The following ALDH18A1 variants were observed in gnomAD, a reference collection of about 807,000 sequenced individuals.
The protein encoded by ALDH18A1 is delta-1-pyrroline-5-carboxylate synthase.
In ALDH18A1, 44 loss-of-function variants were observed where a neutral mutation model predicts 88.8. The ratio of observed to expected loss-of-function variants is 0.50; its 90% CI spans 0.39 to 0.64. The LOEUF is 0.64. Among genes scored for constraint, ALDH18A1 ranks in the 30% least tolerant of loss-of-function variants. ALDH18A1 has a pLI of 0.00. For synonymous variants in ALDH18A1, 331 were observed against 372.1 expected (o/e 0.89, Z 1.27); for missense variants, 782 against 1,009.5 (o/e 0.77, Z 3.05).
chr10:95,606,694 C>G lies in ALDH18A1; in HGVS notation c.*68G>C, dbSNP rs2097823332. On this transcript the variant is annotated 3_prime_UTR_variant, in exon 18 of 18. Transcript: ENST00000371224. ...AGGAACTGGGAGACAAGAGCGGGCT[C>G]TCTCCTGAGATAAGACAAGTTTAAC... 1.9e-6 allele frequency: 3 copies of G among 1,612,942 alleles called. No homozygotes were observed. The highest frequency in any genetic ancestry group is 2.2e-5 in the South Asian group (2 of 90,774).
Position 95,649,785 on chromosome 10 carries a change from G to A in ALDH18A1, c.88+3505C>T, listed in dbSNP as rs150725130. On this transcript the variant is annotated intron_variant, in intron 2 of 17. Transcript: ENST00000371224. The stretch of plus-strand genomic sequence containing the variant: ...AGTCCCAGCTACTTGGGAGGCTGAG[G>A]CAGGAGAATCGCTTGAGCCTGGGAC... Among the ~76,000 whole-genome samples, 815 of 152,110 alleles carry A rather than the reference G, an allele frequency of 5.4e-3. 3 individuals are homozygous for A. Among genetic ancestry groups the A allele is most frequent in the Non-Finnish European group, 9.7e-3 (662 of 67,984 alleles).
At chr10:95,622,290 G>A (rs529197328) in intron 11 of ALDH18A1, among the ~76,000 whole-genome samples, 4 of 152,020 alleles carry the variant, frequency 2.6e-5, no homozygotes, top group South Asian at 4.2e-4. Flanking sequence ...CTTGAACTCC[G>A]GGGCTCAAGT....
intron 8 of ALDH18A1, 47 bp downstream of exon 8, chr10:95,628,321 T>C: frequency 6.2e-6 from 10 of 1,613,258 alleles, no homozygotes; most frequent in Non-Finnish European, 8.5e-6. Flanking sequence ...TACAATATAG[T>C]TTGGGCTTTA....
chr10:95,632,010 A>G (rs2097870974), intron 7 of ALDH18A1, among the ~76,000 whole-genome samples: 1 of 152,234 alleles, frequency 6.6e-6, no homozygotes, highest in African/African-American at 2.4e-5. Context: ...TAAATAAAAC[A>G]TGGTACATCC....
chr10:95,617,329 G>C (rs1428407958), intron 12 of ALDH18A1, among the ~76,000 whole-genome samples: 2 of 152,258 alleles, frequency 1.3e-5, no homozygotes, highest in Non-Finnish European at 2.9e-5. Flanking sequence ...AGGGTCTTCA[G>C]CCACCTCTGT....
At chr10:95,619,358 A>G (rs1038661815) in intron 12 of ALDH18A1, among the ~76,000 whole-genome samples, 10 of 152,194 alleles carry the variant, frequency 6.6e-5, no homozygotes, top group African/African-American at 2.2e-4. Flanking sequence ...AAATGGCCAT[A>G]CTGCCCAAGG....
chr10:95,641,299 C>A (rs945045086), intron 3 of ALDH18A1, among the ~76,000 whole-genome samples: 2 of 152,130 alleles, frequency 1.3e-5, no homozygotes, highest in African/African-American at 2.4e-5. Context: ...ATATTTACTG[C>A]CCTGAACAGT....
intron 10 of ALDH18A1, 61 bp from the exon 11 acceptor site, chr10:95,625,516 C>T: frequency 1.4e-6 from 2 of 1,427,232 alleles, no homozygotes; most frequent in Admixed American, 3.3e-5. Context: ...ATGCACACCA[C>T]AGTTTTTAAA....
chr10:95,616,779 T>C, intron 12 of ALDH18A1, 165 bp from the exon 13 acceptor site: 1 of 941,308 alleles, frequency 1.1e-6, no homozygotes, highest in Non-Finnish European at 1.6e-6. Flanking sequence ...AGTGCCTGTT[T>C]TATCCCCTAC....
At position 95,627,534 on chromosome 10, in the gene ALDH18A1, T is replaced by C. The variant is rs141291042; in HGVS notation, c.986A>G (p.Asn329Ser). The change falls in exon 9 of 18, where the codon AAT becomes AGT. Residue 329 changes from asparagine (N) to serine (S), a missense_variant. By Grantham distance (46) the Asn-to-Ser change is conservative. This residue lies in a region of ALDH18A1 where 556 missense variants were observed against 654.5 expected (regional missense o/e 0.85). Coordinates refer to ENST00000371224, the MANE Select transcript of ALDH18A1 (RefSeq NM_002860.4). ...LQGGTSVVIA[N>S]GTHPKVSGHV... ...CCCAGACACCTTTGGGTGGGTTCCA[T>C]TGGCAATAACAACAGAAGTGCCACC... 43 of 1,614,118 alleles carry C rather than the reference T, an allele frequency of 2.7e-5. No homozygotes were observed. The African/African-American group carries it at 4.3e-4, about 16-fold the overall frequency.
chr10:95,606,292 T>TAAAAAGA lies in ALDH18A1; in HGVS notation c.*463_*469dup. On this transcript the variant is annotated 3_prime_UTR_variant, in exon 18 of 18. Coordinates refer to ENST00000371224, the MANE Select transcript of ALDH18A1 (RefSeq NM_002860.4). ...TTTTGTGACTTTCTGATGAGAATGC[T>TAAAAAGA]AAAAAGAAGAGTTGCCCCTTTTCTA... 1 of 1,002,280 alleles carries TAAAAAGA rather than the reference T, an allele frequency of 1.0e-6. No homozygotes were observed. The highest frequency in any genetic ancestry group is 1.0e-4 in the East Asian group (1 of 10,042). 62.1% of individuals were successfully genotyped at this position (1,002,280 alleles called of 1,614,324 possible). A position where few individuals can be genotyped will look rare whatever the true frequency, so the allele number is the denominator to read the frequency against.
At chr10:95,626,657 G>A (rs1206744020) in intron 10 of ALDH18A1, 46 bp downstream of exon 10, 2 of 1,582,816 alleles carry the variant, frequency 1.3e-6, no homozygotes, top group African/African-American at 2.7e-5. Context: ...TACACAGCAT[G>A]ACTCACTCTG....
intron 2 of ALDH18A1, among the ~76,000 whole-genome samples, chr10:95,651,630 A>G (rs899395977): frequency 1.3e-5 from 2 of 152,148 alleles, no homozygotes; most frequent in Non-Finnish European, 2.9e-5. Flanking sequence ...CGAGAGAGGG[A>G]ACAAGAAGAG....
intron 17 of ALDH18A1, 49 bp from the exon 18 acceptor site, chr10:95,606,992 C>A: frequency 6.3e-7 from 1 of 1,588,756 alleles, no homozygotes; most frequent in Non-Finnish European, 8.6e-7. Flanking sequence ...GCCTCTGCTT[C>A]CTGTCCATGC....
At position 95,616,539 on chromosome 10, in the gene ALDH18A1, T is replaced by G; in HGVS notation, c.1543A>C (p.Ile515Leu). The stretch of plus-strand genomic sequence containing the variant: ...GCCTCCTGGGTCAGGAGGTGGAGAA[T>G]CCGGTTGCTGTGTGCAGCCTCCTTC... ...GGKEAAHSNR[I>L]LHLLTQEALS... The change falls in exon 13 of 18, where the codon ATT becomes CTT. Residue 515 changes from isoleucine (I) to leucine (L), a missense_variant. Transcript: ENST00000371224. 1 of 1,591,116 alleles carries G rather than the reference T, an allele frequency of 6.3e-7. No individual in the cohort carries two copies. Among genetic ancestry groups the G allele is most frequent in the South Asian group, 1.1e-5 (1 of 87,212 alleles).
Position 95,611,322 on chromosome 10 carries a change from G to C in ALDH18A1, c.2044C>G (p.Gln682Glu), listed in dbSNP as rs761041543. ...ELCIEVVDNV[Q>E]DAIDHIHKYG... ...TTGTGGATGTGGTCAATGGCATCCT[G>C]AACGTTGTCCACTACTTCAATGCAT... is the stretch of plus-strand genomic sequence containing the variant. The change falls in exon 16 of 18, where the codon CAG becomes GAG. Residue 682 changes from glutamine (Q) to glutamate (E), a missense_variant. Gln to Glu is a conservative substitution (Grantham distance 29). This residue lies in a region of ALDH18A1 where 556 missense variants were observed against 654.5 expected (regional missense o/e 0.85). Coordinates refer to ENST00000371224, the MANE Select transcript of ALDH18A1 (RefSeq NM_002860.4). 6.2e-7 allele frequency: 1 copy of C among 1,614,202 alleles called. No homozygotes were observed. The highest frequency in any genetic ancestry group is 2.2e-5 in the East Asian group (1 of 44,890).
rs571253031 is a variant in ALDH18A1 at position 95,617,310 on chromosome 10, G to A, written c.1468-696C>T. ...CCAGGGCCACATGGCACCCCCCACC[G>A]TGGAGAACAGGGTCTTCAGCCACCT... On this transcript the variant is annotated intron_variant, in intron 12 of 17. Transcript: ENST00000371224. Among the ~76,000 whole-genome samples the A allele has an allele frequency of 7.9e-5, 12 of 152,364 alleles. No homozygotes were observed. In the South Asian group the frequency reaches 2.5e-3, roughly 32 times the overall value.
intron 3 of ALDH18A1, among the ~76,000 whole-genome samples, chr10:95,638,975 C>A (rs2097886318): frequency 2.0e-5 from 3 of 151,922 alleles, no homozygotes; most frequent in Non-Finnish European, 4.4e-5. Context: ...AGGACTCAAG[C>A]AACCCCCTGA....
chr10:95,639,663 G>A (rs2097887672), intron 3 of ALDH18A1, among the ~76,000 whole-genome samples: 1 of 151,884 alleles, frequency 6.6e-6, no homozygotes, highest in Non-Finnish European at 1.5e-5. Context: ...AATAGCCAGT[G>A]TTCATATTTT....
Sources: gnomAD v4.1 joint callset for allele counts (sites outside exome capture counted in the v4.1 genomes callset) on GRCh38, gnomAD v4.1.1 for gene constraint, gnomAD v4.1.1 regional missense constraint, MANE v1.5 for transcripts, NCBI Gene and HGNC (gene_info 2026-07-23, HGNC 2026-07-21) for gene names.